The following CAST variants were observed in gnomAD, a reference collection of about 807,000 sequenced individuals.
The protein encoded by CAST is calpastatin, also known as MIR583 host.
CAST carries 76 observed loss-of-function variants against 119.6 expected under a neutral mutation model. That is an observed-to-expected ratio of 0.64 (90% confidence interval 0.53 to 0.77). The LOEUF (loss-of-function observed/expected upper bound fraction) is 0.77, where lower values mean the gene tolerates loss of function less well. Among genes scored for constraint, CAST ranks in the 30% least tolerant of loss-of-function variants. The pLI is 0.00. For missense variants in CAST, 953 were observed against 946.5 expected, an observed-to-expected ratio of 1.01 and a Z score of -0.09; for synonymous variants, 319 against 331.6, an observed-to-expected ratio of 0.96 and a Z score of 0.41.
chr5:96,347,119 C>T, the CAST span, among the ~76,000 whole-genome samples: 1 of 152,094 alleles, frequency 6.6e-6, no homozygotes, highest in Non-Finnish European at 1.5e-5. Flanking sequence ...ATTTGAATAT[C>T]CGTGACTATT....
the CAST span, among the ~76,000 whole-genome samples, chr5:96,482,090 T>TATA: frequency 6.6e-6 from 1 of 152,136 alleles, no homozygotes; most frequent in African/African-American, 2.4e-5. Context: ...ACCCTTATGA[T>TATA]ATAATCTCTT....
chr5:96,684,770 A>C (rs1020068268), intron 2 of CAST, among the ~76,000 whole-genome samples: 1 of 152,030 alleles, frequency 6.6e-6, no homozygotes, highest in East Asian at 1.9e-4. Flanking sequence ...GGGTTTCGCC[A>C]TGTTGCCCAG....
At chr5:96,336,000 T>G in the CAST span, among the ~76,000 whole-genome samples, 1 of 152,176 alleles carries the variant, frequency 6.6e-6, no homozygotes, top group African/African-American at 2.4e-5. Context: ...CTCAATTGGC[T>G]TCCTGGTTTC....
At chr5:96,200,881 A>C in the CAST span, among the ~76,000 whole-genome samples, 1 of 152,196 alleles carries the variant, frequency 6.6e-6, no homozygotes, top group Non-Finnish European at 1.5e-5. Flanking sequence ...TGTTATCCCC[A>C]GCTTAAGTCT....
the CAST span, among the ~76,000 whole-genome samples, chr5:96,247,434 G>C: frequency 6.6e-6 from 1 of 152,262 alleles, no homozygotes; most frequent in African/African-American, 2.4e-5. Context: ...GGTTGGAGCA[G>C]TTAGTTCTGA....
the CAST span, among the ~76,000 whole-genome samples, chr5:96,188,989 CAT>C: frequency 1.3e-5 from 2 of 152,134 alleles, no homozygotes; most frequent in East Asian, 1.9e-4. Context: ...AGAGAAGAAA[CAT>C]AGCTTCTTCA....
At chr5:96,165,522 C>T in the CAST span, among the ~76,000 whole-genome samples, 2 of 152,086 alleles carry the variant, frequency 1.3e-5, no homozygotes, top group Non-Finnish European at 2.9e-5. Flanking sequence ...CATATATATA[C>T]ATACACACAT....
the CAST span, among the ~76,000 whole-genome samples, chr5:96,182,876 C>T: frequency 6.6e-6 from 1 of 152,128 alleles, no homozygotes; most frequent in East Asian, 1.9e-4. Context: ...TGGTGGCTTA[C>T]GCCTGTAATC....
intron 1 of CAST, among the ~76,000 whole-genome samples, chr5:96,592,314 T>G (rs1172583070): frequency 1.3e-5 from 2 of 151,718 alleles, no homozygotes; most frequent in African/African-American, 2.4e-5. Flanking sequence ...GGCAGGAGAA[T>G]AGTTTGAGCC....
chr5:96,461,641 G>C, the CAST span, among the ~76,000 whole-genome samples: 2 of 152,058 alleles, frequency 1.3e-5, no homozygotes, highest in South Asian at 4.1e-4. Context: ...CTCTCATTTT[G>C]TTTTATCATC....
intron 1 of CAST, among the ~76,000 whole-genome samples, chr5:96,674,837 A>C (rs1371423453): frequency 1.3e-5 from 2 of 152,230 alleles, no homozygotes; most frequent in Non-Finnish European, 2.9e-5. Context: ...ACAAGAAATG[A>C]TGAATGTTTG....
At chr5:96,443,559 T>A in the CAST span, among the ~76,000 whole-genome samples, 1 of 152,240 alleles carries the variant, frequency 6.6e-6, no homozygotes, top group African/African-American at 2.4e-5. Flanking sequence ...AAGTATATGT[T>A]TTGTAATCAC....
the CAST span, among the ~76,000 whole-genome samples, chr5:96,244,956 A>G: frequency 2.0e-5 from 3 of 152,218 alleles, no homozygotes; most frequent in African/African-American, 2.4e-5. Context: ...ACTTTTGTAG[A>G]TTATTTAGAT....
the CAST span, among the ~76,000 whole-genome samples, chr5:96,204,242 C>T: frequency 0.014 from 2,148 of 152,090 alleles, 40 homozygotes; most frequent in African/African-American, 0.045. Context: ...AGGTTTCATC[C>T]GCTTTCCAGC....
At chr5:96,571,264 T>C (rs1209112905) in intron 1 of CAST, among the ~76,000 whole-genome samples, 1 of 152,170 alleles carries the variant, frequency 6.6e-6, no homozygotes, top group Non-Finnish European at 1.5e-5. Context: ...GAGGGTCTCA[T>C]AAACCAATAG....
At chr5:96,740,256 A>G in intron 12 of CAST, 138 bp downstream of exon 12, 1 of 593,944 alleles carries the variant, frequency 1.7e-6, no homozygotes, top group Non-Finnish European at 3.0e-6. Flanking sequence ...AGCTCGCTGC[A>G]TTGGTTGGCT....
chr5:96,618,113 C>T (rs1322344366), intron 1 of CAST, among the ~76,000 whole-genome samples: 2 of 152,288 alleles, frequency 1.3e-5, no homozygotes, highest in African/African-American at 4.8e-5. Flanking sequence ...GCTCCATCCA[C>T]GCAGTCCTAC....
intron 1 of CAST, among the ~76,000 whole-genome samples, chr5:96,598,772 A>C (rs1405878519): frequency 9.9e-5 from 15 of 152,174 alleles, no homozygotes; most frequent in Non-Finnish European, 2.2e-4. Flanking sequence ...TTCCCTCCCC[A>C]GTGTGGATGG....
At chr5:96,409,107 C>T in the CAST span, among the ~76,000 whole-genome samples, 1 of 152,168 alleles carries the variant, frequency 6.6e-6, no homozygotes, top group Non-Finnish European at 1.5e-5. Flanking sequence ...AGGAATTACC[C>T]TGGCTAACTT....
Sources: gnomAD v4.1 joint callset for allele counts (sites outside exome capture counted in the v4.1 genomes callset) on GRCh38, gnomAD v4.1.1 for gene constraint, MANE v1.5 for transcripts, NCBI Gene and HGNC (gene_info 2026-07-23, HGNC 2026-07-21) for gene names.